Variants in SPAG16 observed in about 807,000 individuals in gnomAD.
SPAG16 encodes the protein sperm-associated antigen 16 protein.
Under a neutral mutation model 80.4 loss-of-function variants are expected in SPAG16, and 86 were observed. That is an observed-to-expected ratio of 1.07 (90% CI 0.90 to 1.28). SPAG16 has a LOEUF of 1.28. Ranked by LOEUF, SPAG16 falls within the 50% of genes most tolerant of loss-of-function variation. The pLI is 0.00. For synonymous variants in SPAG16, 294 were observed against 265.9 expected (o/e 1.11, Z -1.03); for missense variants, 870 against 765.3 (o/e 1.14, Z -1.61).
intron 10 of SPAG16, among the ~76,000 whole-genome samples, chr2:213,707,526 C>G (rs184123831): frequency 6.6e-6 from 1 of 152,234 alleles, no homozygotes; most frequent in South Asian, 2.1e-4. Flanking sequence ...ATTTATTGCA[C>G]TTACTTTTTT....
At chr2:213,949,695 C>G (rs1020192803) in intron 12 of SPAG16, among the ~76,000 whole-genome samples, 4 of 152,102 alleles carry the variant, frequency 2.6e-5, no homozygotes, top group African/African-American at 4.8e-5. Flanking sequence ...TTTACCATGC[C>G]TACTTAGGCC....
At chr2:213,718,609 G>C (rs930614878) in intron 10 of SPAG16, among the ~76,000 whole-genome samples, 2 of 152,182 alleles carry the variant, frequency 1.3e-5, no homozygotes, top group South Asian at 2.1e-4. Context: ...CTGCTGGCCC[G>C]GGGCAATGGG....
chr2:213,994,577 CTTTT>C (rs5838404), intron 12 of SPAG16, among the ~76,000 whole-genome samples: 2 of 139,104 alleles, frequency 1.4e-5, no homozygotes, highest in Admixed American at 7.2e-5. Flanking sequence ...ATTTTCCATC[CTTTT>C]TTTTTTTTTT....
chr2:214,198,972 T>C (rs1168204391), intron 15 of SPAG16, among the ~76,000 whole-genome samples: 1 of 152,094 alleles, frequency 6.6e-6, no homozygotes, highest in Non-Finnish European at 1.5e-5. Flanking sequence ...CTTGCTGATT[T>C]GTTGAGTTCC....
intron 15 of SPAG16, among the ~76,000 whole-genome samples, chr2:214,200,841 G>T (rs1209191308): frequency 1.3e-5 from 2 of 152,174 alleles, no homozygotes; most frequent in African/African-American, 4.8e-5. Context: ...CCAAAGGCCT[G>T]TCTCCTTTTT....
intron 8 of SPAG16, among the ~76,000 whole-genome samples, chr2:213,374,765 T>A (rs1406663776): frequency 2.0e-5 from 3 of 152,132 alleles, no homozygotes. Flanking sequence ...GGATATGTCA[T>A]AACTGTGCTC....
At chr2:214,164,302 A>C (rs1250770241) in intron 15 of SPAG16, among the ~76,000 whole-genome samples, 2 of 152,170 alleles carry the variant, frequency 1.3e-5, no homozygotes, top group Non-Finnish European at 2.9e-5. Flanking sequence ...AAATTAAGAC[A>C]AGTTAAGAGA....
At chr2:214,136,267 C>T (rs1220445105) in intron 14 of SPAG16, among the ~76,000 whole-genome samples, 1 of 152,090 alleles carries the variant, frequency 6.6e-6, no homozygotes, top group African/African-American at 2.4e-5. Flanking sequence ...CTTAGTGGGG[C>T]CACACTAACC....
chr2:213,609,669 T>A (rs971749858), intron 10 of SPAG16, among the ~76,000 whole-genome samples: 2 of 152,184 alleles, frequency 1.3e-5, no homozygotes, highest in Non-Finnish European at 2.9e-5. Flanking sequence ...TTTCTGCCCA[T>A]CTCCCCCACT....
At chr2:214,028,251 G>T (rs189124281) in intron 13 of SPAG16, among the ~76,000 whole-genome samples, 4 of 152,092 alleles carry the variant, frequency 2.6e-5, no homozygotes, top group Non-Finnish European at 5.9e-5. Context: ...GAATAACAAG[G>T]AGTAGAACTA....
rs142421534 is a variant in SPAG16 at position 214,308,855 on chromosome 2, T to A, written c.1721-101285T>A. ...ATTTTGACCTTGGAGCATATGAAGATTATATGTCTTGGGGATGATCTTCTT... is the reference window on the plus strand; with the variant it reads ...ATTTTGACCTTGGAGCATATGAAGAATATATGTCTTGGGGATGATCTTCTT... On this transcript the variant is annotated intron_variant, in intron 15 of 15. Coordinates refer to ENST00000331683, the MANE Select transcript of SPAG16 (RefSeq NM_024532.5). 8.0e-4 allele frequency among the ~76,000 whole-genome samples: 122 copies of A among 152,248 alleles called. 1 individual carries two copies. The East Asian group carries it at 0.022, about 28-fold the overall frequency.
intron 9 of SPAG16, 57 bp downstream of exon 9, chr2:213,375,176 C>A (rs2066824947): frequency 4.2e-6 from 5 of 1,195,126 alleles, no homozygotes; most frequent in Non-Finnish European, 6.0e-6. Flanking sequence ...ATCTTTAGAT[C>A]CATTCACTCA....
intron 15 of SPAG16, among the ~76,000 whole-genome samples, chr2:214,389,809 C>T (rs1477953057): frequency 6.6e-6 from 1 of 152,166 alleles, no homozygotes; most frequent in East Asian, 1.9e-4. Flanking sequence ...GACTAAACTG[C>T]CAGTTATATT....
chr2:213,311,246 A>C (rs2063175599), intron 4 of SPAG16, among the ~76,000 whole-genome samples: 1 of 151,686 alleles, frequency 6.6e-6, no homozygotes, highest in South Asian at 2.1e-4. Flanking sequence ...AAATATCCCT[A>C]AGAAATATAA....
At chr2:213,285,086 C>G (rs2062006262) in intron 1 of SPAG16, among the ~76,000 whole-genome samples, 1 of 152,170 alleles carries the variant, frequency 6.6e-6, no homozygotes, top group African/African-American at 2.4e-5. Context: ...ATACCCAACC[C>G]ACGATCCTGT....
intron 12 of SPAG16, among the ~76,000 whole-genome samples, chr2:213,997,278 A>G (rs931539904): frequency 1.3e-5 from 2 of 152,218 alleles, no homozygotes; most frequent in African/African-American, 2.4e-5. Context: ...CTCAGGAATA[A>G]TACTATATAG....
chr2:214,152,353 A>G (rs1476026473), intron 15 of SPAG16, among the ~76,000 whole-genome samples: 13 of 152,148 alleles, frequency 8.5e-5, no homozygotes, highest in Admixed American at 8.5e-4. Flanking sequence ...AAGAATATAG[A>G]CTATATATTT....
intron 5 of SPAG16, among the ~76,000 whole-genome samples, chr2:213,323,216 A>G (rs1448803025): frequency 2.0e-5 from 3 of 152,216 alleles, no homozygotes; most frequent in Non-Finnish European, 4.4e-5. Context: ...CGAGGCGGGC[A>G]GATCACAAGG....
chr2:213,384,625 G>A (rs2067331536), intron 9 of SPAG16, among the ~76,000 whole-genome samples: 1 of 152,200 alleles, frequency 6.6e-6, no homozygotes, highest in Non-Finnish European at 1.5e-5. Context: ...ATCATTGTAT[G>A]TACTTGCTAT....
Sources: allele counts gnomAD v4.1 joint callset (sites outside exome capture counted in the v4.1 genomes callset), GRCh38; gene constraint gnomAD v4.1.1; transcripts MANE v1.5; gene names NCBI Gene and HGNC (gene_info 2026-07-23, HGNC 2026-07-21).